LDB2: variants seen among roughly 807,000 people sequenced by gnomAD.
LDB2 encodes LIM domain binding 2.
LDB2 carries 12 observed loss-of-function variants against 44.3 expected under a neutral mutation model. The observed-to-expected ratio is 0.27, with a 90% CI of 0.17 to 0.44. LDB2 has a LOEUF of 0.44. Among genes scored for constraint, LDB2 ranks in the 20% least tolerant of loss-of-function variants. LDB2 has a pLI of 1.00. For synonymous variants in LDB2, 164 were observed against 174.8 expected (o/e 0.94, Z 0.49); for missense variants, 344 against 473.5 (o/e 0.73, Z 2.54).
chr4:16,678,862 T>C (rs1020494763), intron 2 of LDB2, among the ~76,000 whole-genome samples: 2 of 152,194 alleles, frequency 1.3e-5, no homozygotes, highest in Non-Finnish European at 2.9e-5. Flanking sequence ...TTTTCCCACC[T>C]AGACTTCACC....
intron 1 of LDB2, among the ~76,000 whole-genome samples, chr4:16,806,694 T>C (rs937066110): frequency 6.6e-6 from 1 of 152,208 alleles, no homozygotes; most frequent in Non-Finnish European, 1.5e-5. Context: ...CCTTCAAGAA[T>C]CTTCCCCAAA....
intron 1 of LDB2, among the ~76,000 whole-genome samples, chr4:16,885,221 A>C (rs1204094485): frequency 1.3e-5 from 2 of 150,950 alleles, no homozygotes; most frequent in African/African-American, 2.4e-5. Flanking sequence ...CTGTGGTCCC[A>C]GCTACACAGG....
chr4:16,656,887 A>C (rs1740027844), intron 2 of LDB2, among the ~76,000 whole-genome samples: 1 of 152,226 alleles, frequency 6.6e-6, no homozygotes, highest in Non-Finnish European at 1.5e-5. Flanking sequence ...TTAATTATAA[A>C]TTATTAACTT....
chr4:16,620,490 G>A (rs893069253), intron 2 of LDB2, among the ~76,000 whole-genome samples: 1 of 152,186 alleles, frequency 6.6e-6, no homozygotes, highest in African/African-American at 2.4e-5. Context: ...AGAGAAATGA[G>A]TGTTGCCAGG....
chr4:16,846,147 G>C (rs911827858), intron 1 of LDB2, among the ~76,000 whole-genome samples: 8 of 151,872 alleles, frequency 5.3e-5, no homozygotes, highest in Non-Finnish European at 1.2e-4. Context: ...AAGTAGCAAG[G>C]CTGGATTATA....
At chr4:16,795,265 G>C (rs1275154876) in intron 1 of LDB2, among the ~76,000 whole-genome samples, 1 of 152,212 alleles carries the variant, frequency 6.6e-6, no homozygotes, top group Non-Finnish European at 1.5e-5. Flanking sequence ...TGCAGAAAGA[G>C]AGCCTGTGGT....
intron 1 of LDB2, among the ~76,000 whole-genome samples, chr4:16,835,007 C>G (rs1409267847): frequency 6.6e-5 from 10 of 152,080 alleles, no homozygotes; most frequent in African/African-American, 2.4e-4. Flanking sequence ...ATACCTTGTC[C>G]CAAATCACAG....
rs1359592130 is a variant in LDB2 at position 16,570,278 on chromosome 4, A to G, written c.615+15644T>C. On this transcript the variant is annotated intron_variant, in intron 5 of 7. Coordinates refer to ENST00000304523, the MANE Select transcript of LDB2 (RefSeq NM_001290.5). The stretch of plus-strand genomic sequence containing the variant: ...GGAGATCGAGACCACCCTGGCTAAC[A>G]CGGTGAAACCCCATCTCTACTAAAA... Among the ~76,000 whole-genome samples the G allele has an allele frequency of 2.6e-5, 4 of 151,760 alleles. No individual in the cohort carries two copies. In the East Asian group the frequency reaches 7.8e-4, roughly 29 times the overall value.
chr4:16,660,697 C>T (rs1741336625), intron 2 of LDB2, among the ~76,000 whole-genome samples: 1 of 152,154 alleles, frequency 6.6e-6, no homozygotes, highest in African/African-American at 2.4e-5. Context: ...TACTGCTGTA[C>T]AGAACAAGAG....
At chr4:16,789,829 G>A (rs1282334700) in intron 1 of LDB2, among the ~76,000 whole-genome samples, 1 of 152,182 alleles carries the variant, frequency 6.6e-6, no homozygotes, top group Admixed American at 6.5e-5. Context: ...CTACTCGAGA[G>A]GCTGAGGCAG....
In LDB2 at chr4:16,640,812, T is replaced by C. The variant is rs76041261; in HGVS notation, c.236-44937A>G. Among the ~76,000 whole-genome samples the C allele has an allele frequency of 4.1e-4, 62 of 152,374 alleles. 1 individual carries two copies. In the East Asian group the frequency reaches 9.5e-3, roughly 23 times the overall value. ...AAGAGTAGATTCTATGCCAGAAGGC[T>C]GTCAATGAACCATGTATTTGATATC... On this transcript the variant is annotated intron_variant, in intron 2 of 7. Transcript: ENST00000304523.
intron 2 of LDB2, among the ~76,000 whole-genome samples, chr4:16,702,767 C>T (rs541571911): frequency 6.6e-6 from 1 of 152,144 alleles, no homozygotes; most frequent in Non-Finnish European, 1.5e-5. Flanking sequence ...AGGAAGACTG[C>T]CCACACGGCT....
intron 5 of LDB2, among the ~76,000 whole-genome samples, chr4:16,530,659 G>A (rs944363179): frequency 1.6e-4 from 25 of 152,144 alleles, no homozygotes; most frequent in Admixed American, 1.5e-3. Flanking sequence ...TCTTTTGCAC[G>A]ATACAGGCTT....
intron 2 of LDB2, among the ~76,000 whole-genome samples, chr4:16,697,684 T>C (rs1247041877): frequency 2.0e-5 from 3 of 152,190 alleles, no homozygotes; most frequent in African/African-American, 4.8e-5. Context: ...TGGTGTTGCA[T>C]TTCCATCACT....
chr4:16,545,408 T>G (rs1341792416), intron 5 of LDB2, among the ~76,000 whole-genome samples: 1 of 152,226 alleles, frequency 6.6e-6, no homozygotes, highest in African/African-American at 2.4e-5. Context: ...TGCACTCTGT[T>G]ATTATATTAA....
At chr4:16,619,018 G>T (rs1328369420) in intron 2 of LDB2, among the ~76,000 whole-genome samples, 1 of 152,056 alleles carries the variant, frequency 6.6e-6, no homozygotes, top group Non-Finnish European at 1.5e-5. Flanking sequence ...CGCCATGATT[G>T]TAAGTTTCCT....
At chr4:16,693,189 C>T (rs1190056383) in intron 2 of LDB2, among the ~76,000 whole-genome samples, 1 of 152,092 alleles carries the variant, frequency 6.6e-6, no homozygotes, top group African/African-American at 2.4e-5. Flanking sequence ...GAATCAAAGG[C>T]CTTTATATTT....
rs1580343160 is a variant in LDB2, at chr4:16,866,405, A to G, written c.132+31949T>C. 2.6e-5 allele frequency among the ~76,000 whole-genome samples: 4 copies of G among 152,264 alleles called. No homozygotes were observed. In the East Asian group the frequency reaches 7.7e-4, roughly 29 times the overall value. On this transcript the variant is annotated intron_variant, in intron 1 of 7. Coordinates refer to ENST00000304523, the MANE Select transcript of LDB2 (RefSeq NM_001290.5). ...TATTAATTTTAAGAATGCATTTAAG[A>G]AAATAAATACATAATTTATAAGCCA...
At chr4:16,700,661 C>G (rs940916987) in intron 2 of LDB2, among the ~76,000 whole-genome samples, 2 of 152,156 alleles carry the variant, frequency 1.3e-5, no homozygotes, top group Admixed American at 6.5e-5. Flanking sequence ...GTGAGAAAGC[C>G]ATGGGATTCT....
Sources: gnomAD v4.1 joint callset for allele counts (sites outside exome capture counted in the v4.1 genomes callset) on GRCh38, gnomAD v4.1.1 for gene constraint, MANE v1.5 for transcripts, NCBI Gene and HGNC (gene_info 2026-07-23, HGNC 2026-07-21) for gene names.